Variants in GUCY1A2 observed in about 807,000 individuals in gnomAD.
GUCY1A2 encodes the protein guanylate cyclase 1 soluble subunit alpha 2, also known as guanylate cyclase soluble subunit alpha-2.
GUCY1A2 carries 27 observed loss-of-function variants against 63.5 expected under a neutral mutation model. The ratio of observed to expected loss-of-function variants is 0.43; its 90% CI spans 0.31 to 0.59. GUCY1A2 has a LOEUF of 0.59. Ranked by LOEUF, GUCY1A2 falls within the 20% of genes least tolerant of loss-of-function variation. GUCY1A2 has a pLI of 0.11. For synonymous variants in GUCY1A2, 364 were observed against 343.5 expected (o/e 1.06, Z -0.66); for missense variants, 768 against 913.3 (o/e 0.84, Z 2.05).
At chr11:106,747,952 G>A (rs900094441) in intron 6 of GUCY1A2, among the ~76,000 whole-genome samples, 1 of 152,192 alleles carries the variant, frequency 6.6e-6, no homozygotes, top group African/African-American at 2.4e-5. Flanking sequence ...AGTGCTTGCA[G>A]ATCACTGTGG....
intron 6 of GUCY1A2, among the ~76,000 whole-genome samples, chr11:106,759,943 C>T (rs563763116): frequency 5.3e-4 from 80 of 152,146 alleles, no homozygotes; most frequent in Non-Finnish European, 8.4e-4. Flanking sequence ...CTCAAAAAAA[C>T]GAAAAGGAGA....
intron 7 of GUCY1A2, among the ~76,000 whole-genome samples, chr11:106,698,119 A>ATTTTTCTTTTTTTTT (rs1862751658): frequency 9.9e-6 from 1 of 100,520 alleles, no homozygotes; most frequent in African/African-American, 4.6e-5. Flanking sequence ...GAATGTTAGA[A>ATTTTTCTTTTTTTTT]TTTTTTTTTT....
intron 6 of GUCY1A2, among the ~76,000 whole-genome samples, chr11:106,752,689 G>C (rs560525701): frequency 1.1e-4 from 17 of 152,036 alleles, no homozygotes; most frequent in Non-Finnish European, 1.8e-4. Context: ...AGGACATGAA[G>C]TCATCCTTTT....
chr11:106,958,962 T>C lies in GUCY1A2; in HGVS notation c.488-18784A>G, dbSNP rs535236111. ...TGTTAAGCTGAAAAAGGAAGAAATG[T>C]AGAGCCGTGAAAATGAGTATCAGTG... On this transcript the variant is annotated intron_variant, in intron 3 of 7. Transcript: ENST00000526355. Among the ~76,000 whole-genome samples, 3 of 152,218 alleles carry C rather than the reference T, an allele frequency of 2.0e-5. No homozygotes were observed. In the South Asian group the frequency reaches 6.2e-4, roughly 32 times the overall value.
chr11:106,883,251 T>C (rs1214681164), intron 4 of GUCY1A2, among the ~76,000 whole-genome samples: 2 of 152,146 alleles, frequency 1.3e-5, no homozygotes, highest in Non-Finnish European at 2.9e-5. Context: ...CATTGATCTC[T>C]CATTTTTCAT....
chr11:106,925,001 T>C (rs1860502604), intron 4 of GUCY1A2, among the ~76,000 whole-genome samples: 1 of 152,170 alleles, frequency 6.6e-6, no homozygotes, highest in South Asian at 2.1e-4. Flanking sequence ...AGCAAGATCC[T>C]GTCTCAAAAA....
rs1195175040 is a variant in GUCY1A2 at position 106,681,590 on chromosome 11, ATAAC to A, written c.*5955_*5958del. 9.0e-6 allele frequency: 2 copies of A among 223,182 alleles called. No individual in the cohort carries two copies. The highest frequency in any genetic ancestry group is 1.8e-5 in the Non-Finnish European group (2 of 111,790). The allele number at this position is 223,182 out of a possible 1,614,324, so 13.8% of individuals were successfully genotyped here. ...CACTTTACAGCATGTTTGCAAATGA[ATAAC>A]TTCTGAGATAGATTAAACATGTCAT... On this transcript the variant is annotated 3_prime_UTR_variant, in exon 8 of 8. Transcript: ENST00000526355.
At chr11:106,956,149 GT>G (rs1284864607) in intron 3 of GUCY1A2, among the ~76,000 whole-genome samples, 6 of 151,782 alleles carry the variant, frequency 4.0e-5, no homozygotes, top group Admixed American at 3.9e-4. Context: ...GGTCATTTAT[GT>G]TTCTCTCTAA....
intron 5 of GUCY1A2, 139 bp downstream of exon 5, chr11:106,809,854 T>C: frequency 8.8e-6 from 5 of 570,490 alleles, no homozygotes; most frequent in South Asian, 2.9e-5. Flanking sequence ...AAAGAAGAAA[T>C]ACCTGTATTA....
chr11:106,832,951 G>C (rs933687816), intron 4 of GUCY1A2, among the ~76,000 whole-genome samples: 1 of 152,040 alleles, frequency 6.6e-6, no homozygotes, highest in Non-Finnish European at 1.5e-5. Flanking sequence ...GCTGCTGTAA[G>C]GAAGTATCAC....
At chr11:106,734,726 A>G (rs924310137) in intron 6 of GUCY1A2, among the ~76,000 whole-genome samples, 1 of 152,140 alleles carries the variant, frequency 6.6e-6, no homozygotes, top group African/African-American at 2.4e-5. Flanking sequence ...ATTGTTGTCC[A>G]TGTTTTCCCA....
chr11:106,714,454 T>C (rs977622495), intron 6 of GUCY1A2, among the ~76,000 whole-genome samples: 1 of 152,228 alleles, frequency 6.6e-6, no homozygotes, highest in African/African-American at 2.4e-5. Flanking sequence ...CCAGGAATTG[T>C]TGCCTATATA....
At position 106,708,526 on chromosome 11, in the gene GUCY1A2, G is replaced by A. The variant is rs773226019; in HGVS notation, c.1977C>T (p.Ser659=). The change falls in exon 7 of 8, where the codon AGC becomes AGT. Residue 659 remains serine, a synonymous_variant. Coordinates refer to ENST00000526355, the MANE Select transcript of GUCY1A2 (RefSeq NM_000855.3). ...SGSHPRRINV[S]PTTYQLLKRE... ...AGAACACTTACTGGTAAGTGGTTGG[G>A]CTGACATTGATGCGCCGAGGGTGAC... 1.2e-6 allele frequency: 2 copies of A among 1,612,020 alleles called. No individual in the cohort carries two copies. The highest frequency in any genetic ancestry group is 1.7e-5 in the Admixed American group (1 of 59,806).
At position 107,011,574 on chromosome 11, in the gene GUCY1A2, T is replaced by A. The variant is rs1261651480; in HGVS notation, c.303+6179A>T. On this transcript the variant is annotated intron_variant, in intron 1 of 7. Coordinates refer to ENST00000526355, the MANE Select transcript of GUCY1A2 (RefSeq NM_000855.3). ...AATATATTTATAATATATACACATA[T>A]ATATTTATAATATATAAATATATAT... Among the ~76,000 whole-genome samples, 6 of 145,346 alleles carry A rather than the reference T, an allele frequency of 4.1e-5. No individual in the cohort carries two copies. The South Asian group carries it at 1.3e-3, about 30-fold the overall frequency.
chr11:106,761,832 AAG>A (rs1202464493), intron 6 of GUCY1A2, among the ~76,000 whole-genome samples: 1 of 152,148 alleles, frequency 6.6e-6, no homozygotes. Context: ...ACCACAAAGT[AAG>A]AGTTTTCACA....
intron 5 of GUCY1A2, among the ~76,000 whole-genome samples, chr11:106,779,371 T>A (rs1454793541): frequency 6.6e-6 from 1 of 152,238 alleles, no homozygotes; most frequent in Non-Finnish European, 1.5e-5. Context: ...AAAATGTGCC[T>A]ATTTACCATT....
chr11:106,865,527 G>A (rs961374551), intron 4 of GUCY1A2, among the ~76,000 whole-genome samples: 5 of 151,790 alleles, frequency 3.3e-5, no homozygotes, highest in South Asian at 2.1e-4. Context: ...GGAAACCATC[G>A]CTCTCAGGAA....
intron 4 of GUCY1A2, among the ~76,000 whole-genome samples, chr11:106,897,393 G>A (rs531763528): frequency 2.0e-5 from 3 of 151,940 alleles, no homozygotes; most frequent in African/African-American, 4.8e-5. Flanking sequence ...TATACAACAC[G>A]ATATTGAAGG....
Position 106,922,219 on chromosome 11 carries a change from C to T in GUCY1A2, c.1206+17241G>A, listed in dbSNP as rs1361687015. On this transcript the variant is annotated intron_variant, in intron 4 of 7. Coordinates refer to ENST00000526355, the MANE Select transcript of GUCY1A2 (RefSeq NM_000855.3). ...ATAAAGTGTGGATGACAAATACCTG[C>T]CCTTTTACTTTAAAATGTTAAGGTG... Among the ~76,000 whole-genome samples, 4 of 152,170 alleles carry T rather than the reference C, an allele frequency of 2.6e-5. No homozygotes were observed. In the East Asian group the frequency reaches 7.7e-4, roughly 29 times the overall value.
Sources: gnomAD v4.1 joint callset for allele counts (sites outside exome capture counted in the v4.1 genomes callset) on GRCh38, gnomAD v4.1.1 for gene constraint, MANE v1.5 for transcripts, NCBI Gene and HGNC (gene_info 2026-07-23, HGNC 2026-07-21) for gene names.